LEMD1: variants seen among roughly 807,000 people sequenced by gnomAD.
LEMD1 encodes LEM domain-containing protein 1.
LEMD1 carries 18 observed loss-of-function variants against 17.4 expected under a neutral mutation model. The observed-to-expected ratio is 1.04, with a 90% CI of 0.72 to 1.54. The LOEUF is 1.54. Among genes scored for constraint, LEMD1 ranks in the 40% most tolerant of loss-of-function variants. LEMD1 has a pLI of 0.00. For synonymous variants in LEMD1, 88 were observed against 77.8 expected, an observed-to-expected ratio of 1.13 and a Z score of -0.69; for missense variants, 195 against 210.4, an observed-to-expected ratio of 0.93 and a Z score of 0.45.
Position 205,397,980 on chromosome 1 carries a change from T to A in LEMD1, c.271-13616A>T, listed in dbSNP as rs543203404. Among the ~76,000 whole-genome samples the A allele has an allele frequency of 2.6e-5, 4 of 152,350 alleles. No homozygotes were observed. In the East Asian group the frequency reaches 7.7e-4, roughly 29 times the overall value. On this transcript the variant is annotated intron_variant, in intron 4 of 5. Coordinates refer to ENST00000367153, the MANE Select transcript of LEMD1 (RefSeq NM_001199050.2). ...TGGTTCCACTATTTCCTCCTGCTGC[T>A]CTTGAATTTCAAAAACTGGGTTCTA...
chr1:205,394,227 G>C (rs550209742), intron 4 of LEMD1, among the ~76,000 whole-genome samples: 1 of 151,976 alleles, frequency 6.6e-6, no homozygotes. Context: ...GGGGTAGAGC[G>C]ACTGGCGGGT....
At chr1:205,414,263 A>C (rs4951218) in intron 4 of LEMD1, among the ~76,000 whole-genome samples, 85,153 of 151,632 alleles carry the variant, frequency 0.56, 27,463 homozygotes, top group East Asian at 0.89. Flanking sequence ...CAAACACAGG[A>C]GGATTTTGCA....
chr1:205,417,148 C>T (rs1444414026), intron 3 of LEMD1, among the ~76,000 whole-genome samples: 2 of 152,216 alleles, frequency 1.3e-5, no homozygotes, highest in African/African-American at 4.8e-5. Context: ...TGGTTCAAAC[C>T]TAACTTGGAG....
chr1:205,438,669 C>G (rs1317174724), intron 1 of LEMD1, among the ~76,000 whole-genome samples: 1 of 152,208 alleles, frequency 6.6e-6, no homozygotes, highest in Admixed American at 6.5e-5. Flanking sequence ...GTGCTGGCCC[C>G]AACCTCAGCC....
chr1:205,418,929 G>A (rs1665825180), intron 3 of LEMD1, among the ~76,000 whole-genome samples: 1 of 152,226 alleles, frequency 6.6e-6, no homozygotes, highest in South Asian at 2.1e-4. Flanking sequence ...GAATTTACCT[G>A]TAGGAATTTC....
intron 1 of LEMD1, among the ~76,000 whole-genome samples, chr1:205,442,669 T>C (rs969003685): frequency 7.9e-5 from 12 of 152,288 alleles, no homozygotes; most frequent in African/African-American, 2.6e-4. Flanking sequence ...CATGGGTAGG[T>C]AGGCTGGTTA....
At chr1:205,410,279 T>C (rs892753459) in intron 4 of LEMD1, among the ~76,000 whole-genome samples, 19 of 152,164 alleles carry the variant, frequency 1.2e-4, no homozygotes, top group African/African-American at 4.6e-4. Flanking sequence ...TCAAGTTTCT[T>C]CATGATAGGA....
intron 4 of LEMD1, among the ~76,000 whole-genome samples, chr1:205,411,643 GAGAAAGAAAGGAA>G (rs1408517009): frequency 8.5e-6 from 1 of 118,342 alleles, no homozygotes; most frequent in Non-Finnish European, 1.8e-5. Context: ...GGAAGGAAAA[GAGAAAGAAAGGAA>G]AGAAAGAAAG....
At chr1:205,423,861 G>A (rs1666021070), upstream of LEMD1, among the ~76,000 whole-genome samples, 1 of 152,092 alleles carries the variant, frequency 6.6e-6, no homozygotes, top group South Asian at 2.1e-4. Context: ...AATTGAGTAG[G>A]TATTCAACAT....
chr1:205,427,345 G>A (rs529314386), intron 1 of LEMD1, among the ~76,000 whole-genome samples: 3 of 151,728 alleles, frequency 2.0e-5, no homozygotes, highest in African/African-American at 7.3e-5. Flanking sequence ...GCTGATGAGG[G>A]GACATCACTC....
rs562380858 is a variant in LEMD1 at position 205,441,297 on chromosome 1, A to G, written c.-39+8571T>C. On this transcript the variant is annotated intron_variant, in intron 1 of 3. Transcript: ENST00000367154. This position sits in a 1 kb window ranked among gnomAD's most constrained non-coding sequence, Gnocchi z 4.3. ...GAGCTGATGTCATTCCTCACATTGG[A>G]GACAGGGTGAGTCCAAGGGAGGAAA... Among the ~76,000 whole-genome samples, 1 of 152,236 alleles carries G rather than the reference A, an allele frequency of 6.6e-6. No homozygotes were observed. The highest frequency in any genetic ancestry group is 2.1e-4 in the South Asian group (1 of 4,810).
At chr1:205,439,802 A>G (rs1666264126) in intron 1 of LEMD1, among the ~76,000 whole-genome samples, 1 of 152,122 alleles carries the variant, frequency 6.6e-6, no homozygotes, top group Non-Finnish European at 1.5e-5. Context: ...AGCCCCGGAG[A>G]ACTCCAGGAT....
At chr1:205,414,568 G>T (rs115417436) in intron 4 of LEMD1, among the ~76,000 whole-genome samples, 1,898 of 152,156 alleles carry the variant, frequency 0.012, 26 homozygotes, top group Non-Finnish European at 0.016. Context: ...GGGATCACAG[G>T]TGTGCACCAC....
chr1:205,402,876 T>C (rs1664915774), intron 4 of LEMD1, among the ~76,000 whole-genome samples: 1 of 152,166 alleles, frequency 6.6e-6, no homozygotes, highest in African/African-American at 2.4e-5. Flanking sequence ...ATACATCCCA[T>C]CAATACCTAA....
rs1197997255 is a variant in LEMD1 at position 205,448,487 on chromosome 1, C to T, written c.-39+1381G>A. The T allele has an allele frequency of 8.4e-6, 4 of 476,966 alleles. No individual in the cohort carries two copies. The highest frequency in any genetic ancestry group is 1.7e-5 in the Non-Finnish European group (4 of 236,554). The allele number at this position is 476,966 out of a possible 1,614,324, so 29.5% of individuals were successfully genotyped here. ...CTCCCCTTCTCAGCACCCCCGACCC[C>T]AGACCCACCCACACTGCCTCCCTCC... On this transcript the variant is annotated intron_variant, in intron 1 of 3. Transcript: ENST00000367154. This position sits in a 1 kb window ranked among gnomAD's most constrained non-coding sequence, Gnocchi z 4.7.
At chr1:205,409,539 G>A (rs1248732970) in intron 4 of LEMD1, among the ~76,000 whole-genome samples, 1 of 151,982 alleles carries the variant, frequency 6.6e-6, no homozygotes, top group East Asian at 1.9e-4. Context: ...ACATAGAGAG[G>A]TTGAGTGTCT....
chr1:205,420,517 A>C lies in LEMD1; in HGVS notation c.20T>G (p.Leu7Arg). The C allele has an allele frequency of 6.2e-7, 1 of 1,614,024 alleles. No homozygotes were observed. Among genetic ancestry groups the C allele is most frequent in the Non-Finnish European group, 8.5e-7 (1 of 1,179,890 alleles). ...TTGGTTCTGCAATTTACAGTCACTCAGACACTTCACATCCACCATGATGAT... is the reference window on the plus strand; with the variant it reads ...TTGGTTCTGCAATTTACAGTCACTCCGACACTTCACATCCACCATGATGAT... MVDVKCLSDCKLQNQLE... is the reference protein window; with the variant it reads MVDVKCRSDCKLQNQLE... Residue 7 changes from leucine to arginine, a missense_variant, in exon 2 of 6, where the codon CTG (leucine) becomes CGG (arginine). Coordinates refer to ENST00000367153, the MANE Select transcript of LEMD1 (RefSeq NM_001199050.2).
chr1:205,416,114 T>C, intron 4 of LEMD1, 118 bp downstream of exon 4: 1 of 609,392 alleles, frequency 1.6e-6, no homozygotes, highest in South Asian at 2.7e-5. Context: ...AAACTAGGAT[T>C]TTACCACTAT....
intron 4 of LEMD1, chr1:205,387,356 G>A (rs1349554272): frequency 6.6e-6 from 1 of 152,030 alleles, no homozygotes; most frequent in Non-Finnish European, 1.5e-5. Flanking sequence ...CATAAACAGT[G>A]ATGTCTACTG....
Sources: gnomAD v4.1 joint callset for allele counts (sites outside exome capture counted in the v4.1 genomes callset) on GRCh38, gnomAD v4.1.1 for gene constraint, Gnocchi (gnomAD v3.1) non-coding constraint, MANE v1.5 for transcripts, NCBI Gene and HGNC (gene_info 2026-07-23, HGNC 2026-07-21) for gene names.